The following SOX6 variants were observed in gnomAD, a reference collection of about 807,000 sequenced individuals.
SOX6 encodes the protein transcription factor SOX-6.
Under a neutral mutation model 97.8 loss-of-function variants are expected in SOX6, and 11 were observed. The ratio of observed to expected loss-of-function variants is 0.11; its 90% CI spans 0.07 to 0.19. SOX6 has a LOEUF of 0.19. Among genes scored for constraint, SOX6 ranks in the 10% least tolerant of loss-of-function variants. SOX6 has a pLI of 1.00. For missense variants in SOX6, 810 were observed against 1,039.5 expected (o/e 0.78, Z 3.04); for synonymous variants, 360 against 371.4 (o/e 0.97, Z 0.35).
chr11:15,979,042 CATATATATATATAT>C (rs57062569), intron 15 of SOX6, among the ~76,000 whole-genome samples: 2 of 107,100 alleles, frequency 1.9e-5, no homozygotes, highest in African/African-American at 7.3e-5. Flanking sequence ...ATATATTTTA[CATATATATATATAT>C]ATATATATAA....
At chr11:16,687,780 C>T in intron 3 of SOX6, among the ~76,000 whole-genome samples, 1 of 152,188 alleles carries the variant, frequency 6.6e-6, no homozygotes, top group East Asian at 1.9e-4. Flanking sequence ...GATCCTCCCA[C>T]CTCAGCCTCC....
intron 1 of SOX6, among the ~76,000 whole-genome samples, chr11:16,389,624 T>C (rs936204979): frequency 6.6e-6 from 1 of 152,148 alleles, no homozygotes; most frequent in East Asian, 1.9e-4. Flanking sequence ...GTGACCACTA[T>C]GCTGTGGAGA....
intron 4 of SOX6, among the ~76,000 whole-genome samples, chr11:16,558,255 C>T (rs1225484034): frequency 6.6e-6 from 1 of 151,960 alleles, no homozygotes; most frequent in Non-Finnish European, 1.5e-5. Context: ...AACTCTCCAA[C>T]TCCCTGCCTT....
At chr11:16,695,670 G>T (rs1031446758) in intron 3 of SOX6, among the ~76,000 whole-genome samples, 1 of 152,198 alleles carries the variant, frequency 6.6e-6, no homozygotes, top group South Asian at 2.1e-4. Flanking sequence ...AGGAAACACT[G>T]CAGTCTTTGT....
chr11:16,473,258 T>C (rs1010924750), intron 1 of SOX6, among the ~76,000 whole-genome samples: 2 of 152,204 alleles, frequency 1.3e-5, no homozygotes, highest in African/African-American at 4.8e-5. Context: ...ACCACTGCAA[T>C]AAAGCAAATG....
chr11:16,321,221 G>A (rs1324542222), intron 2 of SOX6, among the ~76,000 whole-genome samples: 1 of 145,316 alleles, frequency 6.9e-6, no homozygotes, highest in Non-Finnish European at 1.5e-5. Context: ...TCATACTTCA[G>A]TTGCTTTTAT....
chr11:16,081,713 G>A (rs1378716111), intron 9 of SOX6, among the ~76,000 whole-genome samples: 2 of 152,116 alleles, frequency 1.3e-5, no homozygotes, highest in Non-Finnish European at 2.9e-5. Flanking sequence ...AGCTCAGCAA[G>A]ATGAATCATA....
chr11:16,050,790 A>G (rs894030436), intron 10 of SOX6, among the ~76,000 whole-genome samples: 1 of 152,144 alleles, frequency 6.6e-6, no homozygotes, highest in African/African-American at 2.4e-5. Context: ...AAATACTTGA[A>G]ATAACACTTT....
intron 4 of SOX6, among the ~76,000 whole-genome samples, chr11:16,559,012 C>T (rs559091416): frequency 4.6e-5 from 7 of 151,920 alleles, no homozygotes; most frequent in Admixed American, 1.3e-4. Context: ...TAGAAAGTAA[C>T]AACAATTTTT....
intron 3 of SOX6, among the ~76,000 whole-genome samples, chr11:16,653,749 G>A (rs774585946): frequency 6.6e-6 from 1 of 152,014 alleles, no homozygotes; most frequent in Non-Finnish European, 1.5e-5. Flanking sequence ...AAAAAGGCAT[G>A]TTCCCCAAAA....
intron 3 of SOX6, among the ~76,000 whole-genome samples, chr11:16,236,694 T>A (rs1231677837): frequency 6.6e-6 from 1 of 151,958 alleles, no homozygotes; most frequent in Non-Finnish European, 1.5e-5. Flanking sequence ...ATACTAGGAT[T>A]AAATGCATTT....
chr11:16,117,011 T>C (rs1849363626), intron 6 of SOX6, among the ~76,000 whole-genome samples: 1 of 151,904 alleles, frequency 6.6e-6, no homozygotes, highest in Admixed American at 6.6e-5. Flanking sequence ...GCCAAAAAGG[T>C]TGGGGATGGC....
At chr11:16,309,484 T>A (rs996873753) in intron 3 of SOX6, among the ~76,000 whole-genome samples, 6 of 152,066 alleles carry the variant, frequency 3.9e-5, no homozygotes, top group African/African-American at 1.4e-4. Context: ...TAGCGACCGA[T>A]TGGAAACTAT....
At chr11:16,064,438 TA>T (rs1848041411) in intron 9 of SOX6, among the ~76,000 whole-genome samples, 1 of 144,738 alleles carries the variant, frequency 6.9e-6, no homozygotes, top group South Asian at 2.1e-4. Context: ...AAGAAAGAAA[TA>T]AAAATCATCT....
chr11:16,050,084 T>C, intron 10 of SOX6, 146 bp from the exon 11 acceptor site: 3 of 817,094 alleles, frequency 3.7e-6, no homozygotes, highest in Admixed American at 2.1e-5. Flanking sequence ...TCTACCTCCT[T>C]GAAGATTCAT....
chr11:16,195,997 C>G (rs1228043506), intron 4 of SOX6, among the ~76,000 whole-genome samples: 9 of 152,138 alleles, frequency 5.9e-5, no homozygotes. Flanking sequence ...GGGACAGTTG[C>G]CCATACAAAC....
intron 4 of SOX6, among the ~76,000 whole-genome samples, chr11:16,540,603 G>C (rs530792833): frequency 1.3e-5 from 2 of 152,274 alleles, no homozygotes; most frequent in Admixed American, 6.5e-5. Context: ...TCCTTAAGCT[G>C]ATAAGCAACT....
At chr11:16,168,985 G>C (rs1393276084) in intron 6 of SOX6, among the ~76,000 whole-genome samples, 2 of 152,078 alleles carry the variant, frequency 1.3e-5, no homozygotes, top group Non-Finnish European at 2.9e-5. Context: ...CCCATGAAAT[G>C]ATACTGTTGC....
intron 12 of SOX6, among the ~76,000 whole-genome samples, chr11:16,042,033 G>C (rs1355398231): frequency 2.0e-5 from 3 of 152,168 alleles, no homozygotes; most frequent in African/African-American, 4.8e-5. Context: ...AGCATCTTCT[G>C]AGCAAGCTAT....
Sources: allele counts gnomAD v4.1 joint callset (sites outside exome capture counted in the v4.1 genomes callset), GRCh38; gene constraint gnomAD v4.1.1; transcripts MANE v1.5; gene names NCBI Gene and HGNC (gene_info 2026-07-23, HGNC 2026-07-21).